Variants in SPAG16 observed in about 807,000 individuals in gnomAD.
SPAG16 encodes sperm associated antigen 16, also known as sperm-associated antigen 16 protein.
Under a neutral mutation model 80.4 loss-of-function variants are expected in SPAG16, and 86 were observed. The observed-to-expected ratio is 1.07, with a 90% CI of 0.90 to 1.28. The LOEUF is 1.28. Ranked by LOEUF, SPAG16 falls within the 50% of genes most tolerant of loss-of-function variation. The pLI, the probability that SPAG16 is intolerant of heterozygous loss-of-function variation, is 0.00. For missense variants in SPAG16, 870 were observed against 765.3 expected, an observed-to-expected ratio of 1.14 and a Z score of -1.61; for synonymous variants, 294 against 265.9, an observed-to-expected ratio of 1.11 and a Z score of -1.03.
intron 10 of SPAG16, among the ~76,000 whole-genome samples, chr2:213,852,105 T>G (rs1353417504): frequency 1.3e-5 from 2 of 152,222 alleles, no homozygotes; most frequent in Non-Finnish European, 2.9e-5. Flanking sequence ...GCATTTCACC[T>G]TGGCACTTTT....
chr2:213,587,785 TCA>T (rs1034948578), intron 10 of SPAG16, among the ~76,000 whole-genome samples: 6 of 152,120 alleles, frequency 3.9e-5, no homozygotes, highest in African/African-American at 1.2e-4. Context: ...TGTAGTTCAC[TCA>T]CAAGTTCTAC....
At chr2:213,547,710 C>G (rs1473517379) in intron 10 of SPAG16, among the ~76,000 whole-genome samples, 1 of 152,150 alleles carries the variant, frequency 6.6e-6, no homozygotes. Flanking sequence ...CCTGTCTCCA[C>G]CCAGGTACCA....
chr2:213,374,232 T>A (rs2066779451), intron 8 of SPAG16, among the ~76,000 whole-genome samples: 1 of 152,204 alleles, frequency 6.6e-6, no homozygotes, highest in Non-Finnish European at 1.5e-5. Context: ...GCCTTTATAA[T>A]CTCAGGATTT....
intron 10 of SPAG16, among the ~76,000 whole-genome samples, chr2:213,527,236 A>G (rs962046778): frequency 1.3e-5 from 2 of 152,088 alleles, no homozygotes; most frequent in Admixed American, 6.5e-5. Flanking sequence ...GTGCCTCATA[A>G]TCTCATATTT....
chr2:213,564,546 C>A (rs2059699911), intron 10 of SPAG16, among the ~76,000 whole-genome samples: 1 of 149,960 alleles, frequency 6.7e-6, no homozygotes. Context: ...TCATAAAAAT[C>A]TGTGAAGAAA....
chr2:213,646,675 T>A (rs1282194522), intron 10 of SPAG16, among the ~76,000 whole-genome samples: 5 of 152,250 alleles, frequency 3.3e-5, no homozygotes, highest in Non-Finnish European at 7.3e-5. Flanking sequence ...TCTTTAAACA[T>A]AAGTTGATAC....
intron 11 of SPAG16, among the ~76,000 whole-genome samples, chr2:213,910,048 T>G (rs1253215777): frequency 6.6e-6 from 1 of 152,198 alleles, no homozygotes; most frequent in East Asian, 1.9e-4. Flanking sequence ...ACCTTTTACT[T>G]ATACAAATAC....
At chr2:213,561,547 CTACT>C (rs914328711) in intron 10 of SPAG16, among the ~76,000 whole-genome samples, 5 of 152,062 alleles carry the variant, frequency 3.3e-5, no homozygotes, top group Non-Finnish European at 7.4e-5. Flanking sequence ...ATGTATACAC[CTACT>C]ATGTACCCAC....
intron 10 of SPAG16, among the ~76,000 whole-genome samples, chr2:213,693,959 A>C (rs2065051398): frequency 6.6e-6 from 1 of 152,112 alleles, no homozygotes; most frequent in Admixed American, 6.6e-5. Flanking sequence ...TTTCTGCAAG[A>C]GAAGCCAGAA....
At chr2:214,037,165 T>C (rs1454546309) in intron 13 of SPAG16, among the ~76,000 whole-genome samples, 1 of 151,902 alleles carries the variant, frequency 6.6e-6, no homozygotes, top group Non-Finnish European at 1.5e-5. Flanking sequence ...TTTATCACTA[T>C]TTTATGTGCC....
chr2:214,403,425 T>A (rs4076788), intron 15 of SPAG16, among the ~76,000 whole-genome samples: 2 of 150,332 alleles, frequency 1.3e-5, no homozygotes, highest in Non-Finnish European at 3.0e-5. Flanking sequence ...GTACCCAAAA[T>A]GGTATCATAT....
chr2:213,491,529 G>A (rs2074233713), intron 10 of SPAG16, among the ~76,000 whole-genome samples: 1 of 152,096 alleles, frequency 6.6e-6, no homozygotes, highest in Non-Finnish European at 1.5e-5. Context: ...CCAAACTCTT[G>A]GGACTCTTTA....
chr2:213,533,693 A>G (rs1203312322), intron 10 of SPAG16, among the ~76,000 whole-genome samples: 1 of 152,160 alleles, frequency 6.6e-6, no homozygotes, highest in African/African-American at 2.4e-5. Flanking sequence ...TATAAATGTA[A>G]TCTGTGTTTC....
Position 213,602,191 on chromosome 2 carries a change from T to C in SPAG16, c.1070+112101T>C, listed in dbSNP as rs551030447. On this transcript the variant is annotated intron_variant, in intron 10 of 15. Transcript: ENST00000331683. ...CCCCTGCCATAGGTGTGTAATAGGC[T>C]GTATCATCTGGCTTTGTGTTTGGTA... 2.0e-5 allele frequency among the ~76,000 whole-genome samples: 3 copies of C among 152,342 alleles called. No individual in the cohort carries two copies. The South Asian group carries it at 6.2e-4, about 32-fold the overall frequency.
At chr2:213,563,051 G>A (rs1403119333) in intron 10 of SPAG16, among the ~76,000 whole-genome samples, 1 of 152,178 alleles carries the variant, frequency 6.6e-6, no homozygotes, top group African/African-American at 2.4e-5. Flanking sequence ...TTCAACCATA[G>A]CAGTGACCTT....
chr2:213,737,715 C>T (rs1574990019), intron 10 of SPAG16, among the ~76,000 whole-genome samples: 1 of 152,102 alleles, frequency 6.6e-6, no homozygotes, highest in African/African-American at 2.4e-5. Context: ...GTCTCGATCT[C>T]CTGACCTTGT....
chr2:213,545,095 A>C (rs972793235), intron 10 of SPAG16, among the ~76,000 whole-genome samples: 10 of 152,132 alleles, frequency 6.6e-5, no homozygotes, highest in Admixed American at 4.6e-4. Context: ...TTTGCATCTC[A>C]CCAGTAATGA....
At chr2:213,358,967 T>C (rs1181442375) in intron 7 of SPAG16, among the ~76,000 whole-genome samples, 1 of 152,186 alleles carries the variant, frequency 6.6e-6, no homozygotes, top group Non-Finnish European at 1.5e-5. Context: ...TTTTTTGAAG[T>C]TTATGCTATT....
chr2:213,960,017 A>G (rs999887076), intron 12 of SPAG16, among the ~76,000 whole-genome samples: 6 of 152,240 alleles, frequency 3.9e-5, no homozygotes, highest in South Asian at 2.1e-4. Flanking sequence ...GTATTCCCAC[A>G]ATACTTGTCT....
Sources: gnomAD v4.1 joint callset for allele counts (sites outside exome capture counted in the v4.1 genomes callset) on GRCh38, gnomAD v4.1.1 for gene constraint, MANE v1.5 for transcripts, NCBI Gene and HGNC (gene_info 2026-07-23, HGNC 2026-07-21) for gene names.